The following FHIT variants were observed in gnomAD, a reference collection of about 807,000 sequenced individuals.
The protein encoded by FHIT is fragile histidine triad diadenosine triphosphatase.
Under a neutral mutation model 17.9 loss-of-function variants are expected in FHIT, and 19 were observed. That is an observed-to-expected ratio of 1.06 (90% CI 0.74 to 1.56). FHIT has a LOEUF of 1.56. FHIT is among the 40% of genes most tolerant of loss of function. FHIT has a pLI of 0.00. For missense variants in FHIT, 248 were observed against 189.2 expected (o/e 1.31, Z -1.82); for synonymous variants, 81 against 69.7 (o/e 1.16, Z -0.81).
intron 4 of FHIT, among the ~76,000 whole-genome samples, chr3:60,557,479 T>C (rs2107636876): frequency 6.6e-6 from 1 of 152,000 alleles, no homozygotes; most frequent in East Asian, 2.0e-4. Flanking sequence ...ACAGAGTCTG[T>C]CTGTTTGGTT....
intron 2 of FHIT, among the ~76,000 whole-genome samples, chr3:61,145,057 A>C (rs1354675715): frequency 6.6e-6 from 1 of 152,162 alleles, no homozygotes; most frequent in Non-Finnish European, 1.5e-5. Context: ...AGTCTAAATT[A>C]TCTATTTTTT....
chr3:59,788,216 A>G (rs1450301998), intron 8 of FHIT, among the ~76,000 whole-genome samples: 1 of 152,140 alleles, frequency 6.6e-6, no homozygotes. Context: ...TGGCCAGTAG[A>G]AGTCACACAT....
At chr3:60,290,573 T>C (rs1480007620) in intron 5 of FHIT, among the ~76,000 whole-genome samples, 1 of 152,026 alleles carries the variant, frequency 6.6e-6, no homozygotes, top group African/African-American at 2.4e-5. Flanking sequence ...CAATAAGATA[T>C]TGACACCAAC....
intron 3 of FHIT, among the ~76,000 whole-genome samples, chr3:60,897,833 T>A (rs1264171545): frequency 6.6e-6 from 1 of 152,198 alleles, no homozygotes; most frequent in Non-Finnish European, 1.5e-5. Flanking sequence ...ACCATAGGAA[T>A]CTTTCTCTAG....
chr3:59,862,011 T>TG (rs1702426874), intron 8 of FHIT, among the ~76,000 whole-genome samples: 1 of 143,376 alleles, frequency 7.0e-6, no homozygotes, highest in South Asian at 2.1e-4. Flanking sequence ...AAGATGCCTT[T>TG]GGGAAAAAAA....
At chr3:60,998,909 G>C (rs1211598075) in intron 3 of FHIT, among the ~76,000 whole-genome samples, 1 of 148,750 alleles carries the variant, frequency 6.7e-6, no homozygotes, top group Non-Finnish European at 1.5e-5. Context: ...AACAAGCAGA[G>C]GGCAGATGAG....
intron 5 of FHIT, among the ~76,000 whole-genome samples, chr3:60,323,541 G>C (rs1050582329): frequency 6.6e-6 from 1 of 152,102 alleles, no homozygotes; most frequent in Non-Finnish European, 1.5e-5. Context: ...AACAAGGCCA[G>C]GTCACACTGA....
chr3:60,130,758 G>GTT (rs1699510099), intron 5 of FHIT, among the ~76,000 whole-genome samples: 3 of 1,804 alleles, frequency 1.7e-3, no homozygotes, highest in East Asian at 0.02. Context: ...GTGTGTGTGT[G>GTT]TGTGTGTTTG....
intron 3 of FHIT, among the ~76,000 whole-genome samples, chr3:60,942,140 G>A (rs1708438823): frequency 6.6e-6 from 1 of 152,142 alleles, no homozygotes; most frequent in Non-Finnish European, 1.5e-5. Context: ...CCACAGCCAT[G>A]CCTGGCTAAT....
Position 60,941,511 on chromosome 3 carries a change from C to T in FHIT, c.-111+100536G>A, listed in dbSNP as rs1285400445. Among the ~76,000 whole-genome samples, 4 of 152,210 alleles carry T rather than the reference C, an allele frequency of 2.6e-5. No homozygotes were observed. In the South Asian group the frequency reaches 6.2e-4, roughly 24 times the overall value. On this transcript the variant is annotated intron_variant, in intron 3 of 9. Coordinates refer to ENST00000492590, the MANE Select transcript of FHIT (RefSeq NM_002012.4). ...GGGATGGATACGGAGGTCCCCTCTG[C>T]TCTCCCTTCTCTAGAAGCAATCACT...
chr3:60,178,187 A>T (rs533846342), intron 5 of FHIT, among the ~76,000 whole-genome samples: 1 of 152,202 alleles, frequency 6.6e-6, no homozygotes, highest in South Asian at 2.1e-4. Flanking sequence ...TCCAATCCCC[A>T]TGGGCTTCTT....
chr3:60,329,647 T>C (rs989023185), intron 5 of FHIT, among the ~76,000 whole-genome samples: 6 of 152,304 alleles, frequency 3.9e-5, no homozygotes, highest in Admixed American at 1.3e-4. Context: ...CGTAAGACTC[T>C]ACCTATTCCA....
Position 60,985,042 on chromosome 3 carries a change from C to G in FHIT, c.-111+57005G>C, listed in dbSNP as rs944015983. Among the ~76,000 whole-genome samples, 3 of 152,016 alleles carry G rather than the reference C, an allele frequency of 2.0e-5. No individual in the cohort carries two copies. In the East Asian group the frequency reaches 5.8e-4, roughly 29 times the overall value. ...GAATCTAGAGTTTGCCTTCTAAAGC[C>G]CACATTCCTCATATTACTCTCTGCT... On this transcript the variant is annotated intron_variant, in intron 3 of 9. Coordinates refer to ENST00000492590, the MANE Select transcript of FHIT (RefSeq NM_002012.4).
At chr3:60,058,066 G>A (rs1482795198) in intron 5 of FHIT, among the ~76,000 whole-genome samples, 1 of 151,658 alleles carries the variant, frequency 6.6e-6, no homozygotes, top group Non-Finnish European at 1.5e-5. Flanking sequence ...GATTACCAGG[G>A]GCTGGGGGAG....
intron 2 of FHIT, among the ~76,000 whole-genome samples, chr3:61,101,344 C>T (rs1228760970): frequency 2.0e-5 from 3 of 152,102 alleles, no homozygotes; most frequent in African/African-American, 7.2e-5. Flanking sequence ...TTGATTTTGT[C>T]AGGTGTGTCA....
At chr3:60,538,597 A>T (rs111664473) in intron 4 of FHIT, among the ~76,000 whole-genome samples, 2,492 of 152,284 alleles carry the variant, frequency 0.016, 63 homozygotes, top group African/African-American at 0.056. Flanking sequence ...ACAGAGATAT[A>T]GACCAATGGA....
At chr3:61,249,981 CA>C in intron 1 of FHIT, among the ~76,000 whole-genome samples, 1 of 132,452 alleles carries the variant, frequency 7.5e-6, no homozygotes, top group African/African-American at 3.3e-5. Flanking sequence ...CACACACACA[CA>C]CACACACAAA....
intron 5 of FHIT, among the ~76,000 whole-genome samples, chr3:60,100,246 T>C (rs1047252052): frequency 2.0e-5 from 3 of 152,028 alleles, no homozygotes; most frequent in African/African-American, 7.2e-5. Flanking sequence ...TAGCCAGGCA[T>C]GGTGGTGGAC....
At chr3:60,617,896 T>C in intron 4 of FHIT, 1 of 208,948 alleles carries the variant, frequency 4.8e-6, no homozygotes, top group Admixed American at 5.8e-5. Context: ...AATAATAAAT[T>C]AGCCTTCTGT....
Sources: gnomAD v4.1 joint callset for allele counts (sites outside exome capture counted in the v4.1 genomes callset) on GRCh38, gnomAD v4.1.1 for gene constraint, MANE v1.5 for transcripts, NCBI Gene and HGNC (gene_info 2026-07-23, HGNC 2026-07-21) for gene names.